KDM4A: variants seen among roughly 807,000 people sequenced by gnomAD.
The protein encoded by KDM4A is lysine demethylase 4A.
In KDM4A, 23 loss-of-function variants were observed where a neutral mutation model predicts 127.1. The ratio of observed to expected loss-of-function variants is 0.18; its 90% CI spans 0.13 to 0.26. KDM4A has a LOEUF of 0.26. Ranked by LOEUF, KDM4A falls within the 10% of genes least tolerant of loss-of-function variation. The pLI is 1.00. For missense variants in KDM4A, 890 were observed against 1,329.1 expected (o/e 0.67, Z 5.14); for synonymous variants, 443 against 466.5 (o/e 0.95, Z 0.65).
chr1:43,683,450 A>G (rs1660902107), intron 11 of KDM4A, among the ~76,000 whole-genome samples: 2 of 152,230 alleles, frequency 1.3e-5, no homozygotes, highest in African/African-American at 4.8e-5. Flanking sequence ...TGCTCCTAAG[A>G]AGGCCAAGAA....
intron 2 of KDM4A, among the ~76,000 whole-genome samples, 164 bp from the exon 3 acceptor site, chr1:43,655,427 G>C (rs1370459932): frequency 6.6e-6 from 1 of 152,206 alleles, no homozygotes; most frequent in Non-Finnish European, 1.5e-5. Context: ...AGTGGATCAG[G>C]GTTAGCATGC....
chr1:43,651,931 T>A (rs959585004), intron 1 of KDM4A, among the ~76,000 whole-genome samples: 2 of 152,266 alleles, frequency 1.3e-5, no homozygotes, highest in Non-Finnish European at 2.9e-5. Context: ...GTCTGTAGCT[T>A]GATTTCATTA....
chr1:43,687,180 T>C (rs371866626), intron 12 of KDM4A, among the ~76,000 whole-genome samples: 3 of 152,318 alleles, frequency 2.0e-5, no homozygotes, highest in Admixed American at 2.0e-4. Flanking sequence ...TTGATTTTAA[T>C]TGTCTGCGTT....
At chr1:43,677,039 A>T (rs1261757228) in intron 11 of KDM4A, among the ~76,000 whole-genome samples, 1 of 152,136 alleles carries the variant, frequency 6.6e-6, no homozygotes, top group Non-Finnish European at 1.5e-5. Context: ...TTCAGTGTGT[A>T]TCTCTGAATA....
In KDM4A at chr1:43,689,068, C is replaced by G; in HGVS notation, c.2010C>G (p.Val670=). 6.2e-7 allele frequency: 1 copy of G among 1,614,214 alleles called. No homozygotes were observed. The highest frequency in any genetic ancestry group is 8.5e-7 in the Non-Finnish European group (1 of 1,180,038). ...CCCAACAGGCCCCTCACTGCGCTGTCTGTATGATCTTCCAGACTTATCATC... is the reference window on the plus strand; with the variant it reads ...CCCAACAGGCCCCTCACTGCGCTGTGTGTATGATCTTCCAGACTTATCATC... The part of the protein sequence containing the change: ...TMAQQAPHCA[V]CMIFQTYHQV... The change falls in exon 13 of 22, where the codon GTC becomes GTG. Residue 670 remains valine, a synonymous_variant. Coordinates refer to ENST00000372396, the MANE Select transcript of KDM4A (RefSeq NM_014663.3).
In KDM4A at chr1:43,693,130, G is replaced by T. The variant is rs1389322187; in HGVS notation, c.2375+819G>T. Among the ~76,000 whole-genome samples, 1 of 152,168 alleles carries T rather than the reference G, an allele frequency of 6.6e-6. No individual in the cohort carries two copies. The highest frequency in any genetic ancestry group is 1.5e-5 in the Non-Finnish European group (1 of 68,042). ...TTGCTGCCATTATTTGAGGTCACTG[G>T]GTTCCTCACAGTCACAGGATAGTGC... On this transcript the variant is annotated intron_variant, in intron 16 of 21. Coordinates refer to ENST00000372396, the MANE Select transcript of KDM4A (RefSeq NM_014663.3). This position sits in a 1 kb window ranked among gnomAD's most constrained non-coding sequence, Gnocchi z 4.2.
At chr1:43,699,780 A>G (rs1661339520) in intron 19 of KDM4A, 1 of 140,134 alleles carries the variant, frequency 7.1e-6, no homozygotes, top group South Asian at 2.2e-4. Context: ...GGAGTACGGG[A>G]GTACGGTGGC....
chr1:43,692,176 A>G, intron 15 of KDM4A, 80 bp from the exon 16 acceptor site: 1 of 1,296,638 alleles, frequency 7.7e-7, no homozygotes, highest in Non-Finnish European at 1.1e-6. Context: ...GGAGTTGCCC[A>G]AAGCAGGTCC....
At chr1:43,665,356 T>G (rs143266902) in intron 5 of KDM4A, among the ~76,000 whole-genome samples, 45 of 152,318 alleles carry the variant, frequency 3.0e-4, no homozygotes, top group African/African-American at 1.0e-3. Flanking sequence ...GGTTATATAG[T>G]GACATCCTTC....
chr1:43,660,827 T>C (rs554672142), intron 4 of KDM4A, among the ~76,000 whole-genome samples: 1 of 152,180 alleles, frequency 6.6e-6, no homozygotes, highest in East Asian at 1.9e-4. Context: ...CAAACAAGAT[T>C]CTGTGGCAAA....
rs1436658488 is a variant in KDM4A, at chr1:43,669,105, C to T, written c.1169C>T (p.Ala390Val). Reference sequence around the variant, plus strand: ...ATTTGCCCTCTCCCTTGCAGCCTGGCCAAGCACCGAATAGGGACAAAGAGG... The same window carrying T: ...ATTTGCCCTCTCCCTTGCAGCCTGGTCAAGCACCGAATAGGGACAAAGAGG... ...GEEGDLKTSL[A>V]KHRIGTKRHR... Residue 390 changes from alanine to valine, a missense_variant, in exon 10 of 22, where the codon GCC becomes GTC. This residue lies in a region of KDM4A where 389 missense variants were observed against 485.9 expected (regional missense o/e 0.80). Coordinates refer to ENST00000372396, the MANE Select transcript of KDM4A (RefSeq NM_014663.3). 1 of 1,614,048 alleles carries T rather than the reference C, an allele frequency of 6.2e-7. No homozygotes were observed. Among genetic ancestry groups the T allele is most frequent in the Non-Finnish European group, 8.5e-7 (1 of 1,180,036 alleles).
intron 12 of KDM4A, among the ~76,000 whole-genome samples, chr1:43,685,727 C>T (rs1247707988): frequency 6.6e-6 from 1 of 152,062 alleles, no homozygotes; most frequent in Admixed American, 6.6e-5. Flanking sequence ...GAGACCATGC[C>T]ACTGCACTCC....
intron 10 of KDM4A, among the ~76,000 whole-genome samples, chr1:43,671,093 T>C (rs1225127859): frequency 3.3e-5 from 5 of 152,238 alleles, no homozygotes; most frequent in African/African-American, 1.2e-4. Flanking sequence ...ATTTTTGCAG[T>C]GAGAACATTT....
Position 43,694,738 on chromosome 1 carries a change from A to G in KDM4A, c.2514A>G (p.Lys838=), listed in dbSNP as rs1294271332. ...GTATCTTCTGTAAGAAGCGGAGGAAAAGAACTGCTGGCTGCTGTGTGCAGT... is the reference window on the plus strand; with the variant it reads ...GTATCTTCTGTAAGAAGCGGAGGAAGAGAACTGCTGGCTGCTGTGTGCAGT... The part of the protein sequence containing the change: ...LKCIFCKKRR[K]RTAGCCVQCS... The change falls in exon 18 of 22, where the codon AAA becomes AAG. Residue 838 remains lysine, a synonymous_variant. Coordinates refer to ENST00000372396, the MANE Select transcript of KDM4A (RefSeq NM_014663.3). The surrounding 1 kb of genome is among the most constrained non-coding windows in gnomAD (Gnocchi z 5.2). The G allele has an allele frequency of 6.2e-7, 1 of 1,612,554 alleles. No homozygotes were observed. Among genetic ancestry groups the G allele is most frequent in the African/African-American group, 1.3e-5 (1 of 74,900 alleles).
chr1:43,652,355 T>C (rs1209581372), intron 1 of KDM4A, among the ~76,000 whole-genome samples: 1 of 152,176 alleles, frequency 6.6e-6, no homozygotes, highest in Non-Finnish European at 1.5e-5. Context: ...GCTGAAACAA[T>C]TTTCTTTTTT....
Position 43,688,872 on chromosome 1 carries a change from T to G in KDM4A, c.1856-42T>G. 1 of 1,575,982 alleles carries G rather than the reference T, an allele frequency of 6.3e-7. No homozygotes were observed. The highest frequency in any genetic ancestry group is 8.7e-7 in the Non-Finnish European group (1 of 1,150,368). On this transcript the variant is annotated intron_variant, in intron 12 of 21. Transcript: ENST00000372396. This position sits in a 1 kb window ranked among gnomAD's most constrained non-coding sequence, Gnocchi z 4.4. ...TGTTCTCCAGGCAGAGCCACAGATG[T>G]GCAGGGTTAGTGCTGACTCACACTT... is the stretch of plus-strand genomic sequence containing the variant.
chr1:43,697,175 A>G (rs1355189845), intron 18 of KDM4A, among the ~76,000 whole-genome samples: 2 of 152,242 alleles, frequency 1.3e-5, no homozygotes, highest in African/African-American at 4.8e-5. Context: ...TGGCACACTC[A>G]TTCAGGGAAC....
chr1:43,694,923 CTT>C lies in KDM4A; in HGVS notation c.2670+30_2670+31del. ...AGAGAGGGTGTCATTCTAGAATCCT[CTT>C]GACAGTTTTCATGGTCATTTTCTCT... On this transcript the variant is annotated intron_variant, in intron 18 of 21. Transcript: ENST00000372396. The surrounding 1 kb of genome is among the most constrained non-coding windows in gnomAD (Gnocchi z 5.2). 1.3e-6 allele frequency: 2 copies of C among 1,568,110 alleles called. No homozygotes were observed. The highest frequency in any genetic ancestry group is 1.7e-6 in the Non-Finnish European group (2 of 1,148,592).
chr1:43,703,503 C>G, intron 19 of KDM4A, 114 bp from the exon 20 acceptor site: 1 of 1,337,922 alleles, frequency 7.5e-7, no homozygotes, highest in South Asian at 1.3e-5. Flanking sequence ...AGAGAGCTGC[C>G]TTGCTCTCTA....
Sources: allele counts gnomAD v4.1 joint callset (sites outside exome capture counted in the v4.1 genomes callset), GRCh38; gene constraint gnomAD v4.1.1; regional missense constraint gnomAD v4.1.1; non-coding constraint Gnocchi (gnomAD v3.1); transcripts MANE v1.5; gene names NCBI Gene and HGNC (gene_info 2026-07-23, HGNC 2026-07-21).